The following SHROOM4 variants were observed in gnomAD, a reference collection of about 807,000 sequenced individuals.
The protein encoded by SHROOM4 is protein Shroom4.
SHROOM4 carries 17 observed loss-of-function variants against 80.3 expected under a neutral mutation model. That is an observed-to-expected ratio of 0.21 (90% CI 0.14 to 0.32). The LOEUF is 0.32. Among genes scored for constraint, SHROOM4 ranks in the 10% least tolerant of loss-of-function variants. The pLI is 1.00. For missense variants in SHROOM4, 993 were observed against 1,140.3 expected (o/e 0.87, Z 1.86); for synonymous variants, 400 against 437.5 (o/e 0.91, Z 1.07).
intron 1 of SHROOM4, among the ~76,000 whole-genome samples, chrX:50,697,806 G>A (rs1933412637): frequency 9.0e-6 from 1 of 111,610 alleles, no homozygotes; most frequent in African/African-American, 3.3e-5. Flanking sequence ...GAAAAAAAGA[G>A]AGAGAGAAAA....
At chrX:50,734,925 C>CT (rs1213370626) in intron 1 of SHROOM4, among the ~76,000 whole-genome samples, 1 of 110,552 alleles carries the variant, frequency 9.0e-6, no homozygotes, top group Admixed American at 9.7e-5. Context: ...TAAGGAGTCC[C>CT]TTTGCTCTTC....
chrX:50,651,202 A>T (rs918481809), intron 2 of SHROOM4, among the ~76,000 whole-genome samples: 4 of 112,262 alleles, frequency 3.6e-5, no homozygotes, highest in Non-Finnish European at 7.5e-5. Flanking sequence ...CAAAAGTACA[A>T]GAAAATTTAG....
intron 1 of SHROOM4, among the ~76,000 whole-genome samples, chrX:50,738,685 C>G (rs1278335741): frequency 9.0e-6 from 1 of 111,500 alleles, no homozygotes; most frequent in African/African-American, 3.3e-5. Flanking sequence ...AAAGAGGACA[C>G]AAACAAATGG....
At chrX:50,645,777 G>A (rs903338126) in intron 2 of SHROOM4, among the ~76,000 whole-genome samples, 1 of 111,649 alleles carries the variant, frequency 9.0e-6, no homozygotes, top group Non-Finnish European at 1.9e-5. Context: ...TGTGCTCAGG[G>A]GACGGTAAAG....
rs1306374072 is a variant in SHROOM4 at position 50,591,584 on chromosome X, G to A, written c.*5111C>T. The stretch of plus-strand genomic sequence containing the variant: ...TAATCTCTTTCAACAATGTTTTATA[G>A]TTTTCAGTGTAAAAGTTTCGCACTT... On this transcript the variant is annotated 3_prime_UTR_variant, in exon 9 of 9. Coordinates refer to ENST00000376020, the MANE Select transcript of SHROOM4 (RefSeq NM_020717.5). 7 of 267,787 alleles carry A rather than the reference G, an allele frequency of 2.6e-5. No homozygotes were observed. The highest frequency in any genetic ancestry group is 4.7e-5 in the Non-Finnish European group (7 of 147,718). 22.1% of individuals were successfully genotyped at this position (267,787 alleles called of 1,213,427 possible). A position where few individuals can be genotyped will look rare whatever the true frequency, so the allele number is the denominator to read the frequency against.
chrX:50,766,482 C>T (rs1432656413), intron 1 of SHROOM4, among the ~76,000 whole-genome samples: 2 of 111,204 alleles, frequency 1.8e-5, no homozygotes, highest in Non-Finnish European at 3.8e-5. Context: ...GAAATATTTG[C>T]CAAATTGAAT....
intron 1 of SHROOM4, among the ~76,000 whole-genome samples, chrX:50,785,066 C>T (rs914010063): frequency 1.3e-4 from 14 of 111,486 alleles, no homozygotes; most frequent in African/African-American, 4.6e-4. Context: ...AAAGAAATTC[C>T]AATACATATC....
At chrX:50,802,885 CAAG>C (rs1425272323) in intron 1 of SHROOM4, among the ~76,000 whole-genome samples, 1 of 112,248 alleles carries the variant, frequency 8.9e-6, no homozygotes, top group African/African-American at 3.2e-5. Context: ...CTGCAAGAAT[CAAG>C]AAGATCTCCA....
intron 1 of SHROOM4, among the ~76,000 whole-genome samples, chrX:50,805,146 C>T (rs1425723549): frequency 9.0e-6 from 1 of 111,469 alleles, no homozygotes; most frequent in African/African-American, 3.3e-5. Flanking sequence ...AAAGACAAGG[C>T]TTTAGCTTGT....
chrX:50,721,324 G>A lies in SHROOM4; in HGVS notation c.118-25387C>T, dbSNP rs181263551. ...TAAAGGAATAAGGAATGGCTAATCT[G>A]TAGGCAGAGCAGCCCTGAGGGCTGC... On this transcript the variant is annotated intron_variant, in intron 1 of 8. Coordinates refer to ENST00000376020, the MANE Select transcript of SHROOM4 (RefSeq NM_020717.5). 3.5e-4 allele frequency among the ~76,000 whole-genome samples: 40 copies of A among 112,844 alleles called. No individual in the cohort carries two copies. The East Asian group carries it at 9.9e-3, about 28-fold the overall frequency.
intron 6 of SHROOM4, among the ~76,000 whole-genome samples, chrX:50,604,807 A>C (rs139692923): frequency 0.011 from 1,217 of 111,916 alleles, 21 homozygotes; most frequent in African/African-American, 0.038. Flanking sequence ...ACATCAAAGC[A>C]AAAAGCAGAT....
Position 50,786,371 on chromosome X carries a change from C to T in SHROOM4, c.117+27531G>A, listed in dbSNP as rs191228799. Among the ~76,000 whole-genome samples the T allele has an allele frequency of 2.5e-3, 278 of 111,948 alleles. 1 individual carries two copies. The highest frequency in any genetic ancestry group is 8.8e-3 in the African/African-American group (271 of 30,815). ...CCCCTCTTCCCAGCTTAGCACAGAG[C>T]CAGCAGATGAAAATCCCTAGCTCCT... On this transcript the variant is annotated intron_variant, in intron 1 of 8. Transcript: ENST00000376020.
In SHROOM4 at chrX:50,634,194, G is replaced by A. The variant is rs150861758; in HGVS notation, c.1879C>T (p.Pro627Ser). Residue 627 changes from proline (P) to serine (S), a missense_variant, in exon 4 of 9, where the codon CCA becomes TCA. Transcript: ENST00000376020. ...KEPVEETQEP[P>S]ESPPLTASNT... ...GAGGCAGTGAGTGGAGGACTTTCTGGGGGCTCCTGGGTCTCTTCCACTGGC... is the reference window on the plus strand; with the variant it reads ...GAGGCAGTGAGTGGAGGACTTTCTGAGGGCTCCTGGGTCTCTTCCACTGGC... 2.4e-3 allele frequency: 2,856 copies of A among 1,209,641 alleles called. 5 individuals carry two copies. Among genetic ancestry groups the A allele is most frequent in the Non-Finnish European group, 3.0e-3 (2,667 of 895,123 alleles).
chrX:50,730,782 GAA>G lies in SHROOM4; in HGVS notation c.118-34847_118-34846del, dbSNP rs11352904. ...AAAGCAAGACTCCGTCTCAGAAAAA[GAA>G]AAAAAAAAAAAATAACATTAACTAC... On this transcript the variant is annotated intron_variant, in intron 1 of 8. Coordinates refer to ENST00000376020, the MANE Select transcript of SHROOM4 (RefSeq NM_020717.5). Among the ~76,000 whole-genome samples, 926 of 96,761 alleles carry G rather than the reference GAA, an allele frequency of 9.6e-3. 8 individuals carry two copies. The highest frequency in any genetic ancestry group is 0.027 in the African/African-American group (715 of 26,071). The allele number at this position is 96,761 out of a possible 115,157, so 84.0% of individuals were successfully genotyped here.
chrX:50,705,989 TACACAC>T (rs56363612), intron 1 of SHROOM4, among the ~76,000 whole-genome samples: 1,100 of 74,318 alleles, frequency 0.015, 5 homozygotes, highest in Middle Eastern at 0.033. Flanking sequence ...TCTCATCCTC[TACACAC>T]ACACACACAC....
intron 2 of SHROOM4, among the ~76,000 whole-genome samples, chrX:50,648,104 C>G (rs992223677): frequency 9.0e-6 from 1 of 111,565 alleles, no homozygotes; most frequent in Non-Finnish European, 1.9e-5. Flanking sequence ...GTGTGGGGGT[C>G]AACAGTAGAA....
chrX:50,622,248 G>A (rs1463531994), intron 5 of SHROOM4, among the ~76,000 whole-genome samples: 5 of 111,249 alleles, frequency 4.5e-5, no homozygotes, highest in African/African-American at 1.6e-4. Flanking sequence ...GGAAAAATAA[G>A]GTTTAACCTC....
intron 5 of SHROOM4, among the ~76,000 whole-genome samples, chrX:50,625,986 C>CT (rs1202618250): frequency 2.7e-5 from 3 of 111,985 alleles, no homozygotes; most frequent in African/African-American, 9.8e-5. Flanking sequence ...GCTCTAAATG[C>CT]TTTACATATA....
chrX:50,765,736 T>A (rs1365780723), intron 1 of SHROOM4, among the ~76,000 whole-genome samples: 1 of 112,052 alleles, frequency 8.9e-6, no homozygotes, highest in African/African-American at 3.2e-5. Flanking sequence ...GGCAAACAGA[T>A]AAACAACAGC....
Sources: gnomAD v4.1 joint callset for allele counts (sites outside exome capture counted in the v4.1 genomes callset) on GRCh38, gnomAD v4.1.1 for gene constraint, MANE v1.5 for transcripts, NCBI Gene and HGNC (gene_info 2026-07-23, HGNC 2026-07-21) for gene names.